The following ARHGEF12 variants were observed in gnomAD, a reference collection of about 807,000 sequenced individuals.
The protein encoded by ARHGEF12 is KMT2A/ARHGEF12 fusion protein.
ARHGEF12 carries 66 observed loss-of-function variants against 211.2 expected under a neutral mutation model. The ratio of observed to expected loss-of-function variants is 0.31; its 90% CI spans 0.26 to 0.38. The LOEUF is 0.38. ARHGEF12 is among the 10% of genes least tolerant of loss of function. The pLI, the probability that ARHGEF12 is intolerant of heterozygous loss-of-function variation, is 1.00. For missense variants in ARHGEF12, 1,429 were observed against 1,869.5 expected (o/e 0.76, Z 4.34); for synonymous variants, 592 against 638.4 (o/e 0.93, Z 1.09).
At chr11:120,415,582 A>G (rs1025447663) in intron 4 of ARHGEF12, among the ~76,000 whole-genome samples, 7 of 152,334 alleles carry the variant, frequency 4.6e-5, no homozygotes, top group African/African-American at 1.7e-4. Flanking sequence ...TGGTAGGTTA[A>G]AACAGCTTCT....
chr11:120,449,531 C>G (rs1031723791), intron 21 of ARHGEF12: 1 of 205,580 alleles, frequency 4.9e-6, no homozygotes, highest in African/African-American at 2.3e-5. Flanking sequence ...AAGCCTGTCT[C>G]TACTAAAAAT....
intron 33 of ARHGEF12, 171 bp from the exon 34 acceptor site, chr11:120,476,490 C>T (rs1462262605): frequency 1.6e-5 from 7 of 447,774 alleles, no homozygotes; most frequent in Admixed American, 7.6e-5. Flanking sequence ...ACAATAAATA[C>T]GTTAATATGG....
At chr11:120,361,836 T>C (rs1943286298) in intron 1 of ARHGEF12, among the ~76,000 whole-genome samples, 1 of 152,212 alleles carries the variant, frequency 6.6e-6, no homozygotes, top group African/African-American at 2.4e-5. Context: ...ATATGCTTAT[T>C]TGCAGAGCCT....
chr11:120,345,234 A>G (rs746493284), intron 1 of ARHGEF12, among the ~76,000 whole-genome samples: 2 of 152,238 alleles, frequency 1.3e-5, no homozygotes, highest in Non-Finnish European at 2.9e-5. Flanking sequence ...CTAAGAACCC[A>G]TGACTGTATT....
At chr11:120,474,191 GACA>G (rs1946958426) in intron 31 of ARHGEF12, among the ~76,000 whole-genome samples, 1 of 152,112 alleles carries the variant, frequency 6.6e-6, no homozygotes, top group Admixed American at 6.5e-5. Context: ...CTTTCTTATA[GACA>G]AGCATATGTA....
At chr11:120,484,904 C>G (rs749555581) in intron 40 of ARHGEF12, among the ~76,000 whole-genome samples, 163 bp from the exon 41 acceptor site, 20 of 152,220 alleles carry the variant, frequency 1.3e-4, no homozygotes, top group Admixed American at 3.9e-4. Context: ...TCTCCCCTGA[C>G]TGCAGATGGA....
chr11:120,474,325 G>C (rs928228606), intron 31 of ARHGEF12, among the ~76,000 whole-genome samples: 3 of 152,210 alleles, frequency 2.0e-5, no homozygotes, highest in African/African-American at 7.2e-5. Context: ...TTTGAAGATA[G>C]TACTCCTGAA....
At chr11:120,426,580 C>T (rs1945351531) in intron 7 of ARHGEF12, among the ~76,000 whole-genome samples, 1 of 152,140 alleles carries the variant, frequency 6.6e-6, no homozygotes, top group Admixed American at 6.5e-5. Flanking sequence ...AAACCAAATA[C>T]ATAGGCAAGT....
chr11:120,354,414 G>C (rs1351375227), intron 1 of ARHGEF12, among the ~76,000 whole-genome samples: 1 of 152,148 alleles, frequency 6.6e-6, no homozygotes, highest in Non-Finnish European at 1.5e-5. Context: ...TAACTAGGAA[G>C]GAGAGAGACC....
intron 4 of ARHGEF12, among the ~76,000 whole-genome samples, chr11:120,415,778 A>G (rs922973649): frequency 1.3e-5 from 2 of 152,150 alleles, no homozygotes; most frequent in Non-Finnish European, 2.9e-5. Context: ...ACAGATAGAC[A>G]GGACAGAATA....
intron 1 of ARHGEF12, among the ~76,000 whole-genome samples, chr11:120,375,295 T>TTGACGTCA: frequency 6.6e-6 from 1 of 152,318 alleles, no homozygotes; most frequent in Non-Finnish European, 1.5e-5. Context: ...AGTCTTGAGA[T>TTGACGTCA]TGACGTCAGA....
chr11:120,372,534 A>T (rs1194502911), intron 1 of ARHGEF12, among the ~76,000 whole-genome samples: 1 of 152,122 alleles, frequency 6.6e-6, no homozygotes, highest in African/African-American at 2.4e-5. Context: ...TCTGCTCTCA[A>T]ATACATCTAG....
chr11:120,477,425 T>TG, intron 35 of ARHGEF12, 22 bp from the exon 36 acceptor site: 14 of 1,538,332 alleles, frequency 9.1e-6, no homozygotes, highest in East Asian at 2.3e-5. Flanking sequence ...AAAAGTTTTT[T>TG]TTTTTTTTTT....
chr11:120,483,991 G>A (rs1947331291), intron 39 of ARHGEF12, among the ~76,000 whole-genome samples: 1 of 151,738 alleles, frequency 6.6e-6, no homozygotes, highest in South Asian at 2.1e-4. Context: ...CTGACCTCAG[G>A]TGATCCACCT....
chr11:120,428,206 T>A lies in ARHGEF12; in HGVS notation c.544T>A (p.Ser182Thr). 1 of 1,611,078 alleles carries A rather than the reference T, an allele frequency of 6.2e-7. No individual in the cohort carries two copies. Reference sequence around the variant, plus strand: ...GACATCTCCTCATTCACCTGGAGCATCTGGGAATATGGAGAGAATCACTAG... The same window carrying A: ...GACATCTCCTCATTCACCTGGAGCAACTGGGAATATGGAGAGAATCACTAG... ...IMTSPHSPGASGNMERITSPV... is the reference protein window; with the variant it reads ...IMTSPHSPGATGNMERITSPV... The change falls in exon 8 of 41, where the codon TCT (serine) becomes ACT (threonine). Residue 182 changes from serine to threonine, a missense_variant. Around this residue, in one of 7 missense-constraint regions of ARHGEF12, gnomAD observed 254 missense variants for 286.4 expected, o/e 0.89. Coordinates refer to ENST00000397843, the MANE Select transcript of ARHGEF12 (RefSeq NM_015313.3).
At chr11:120,344,723 C>T (rs1469298517) in intron 1 of ARHGEF12, among the ~76,000 whole-genome samples, 1 of 152,222 alleles carries the variant, frequency 6.6e-6, no homozygotes, top group Non-Finnish European at 1.5e-5. Flanking sequence ...TATATCACTA[C>T]TTCTCAGGTG....
chr11:120,428,042 T>C (rs1945402767), intron 7 of ARHGEF12, 27 bp from the exon 8 acceptor site: 1 of 1,514,616 alleles, frequency 6.6e-7, no homozygotes. Context: ...TCCCTTCCCT[T>C]CCCTTTTTCC....
chr11:120,380,677 A>G (rs947463927), intron 1 of ARHGEF12, among the ~76,000 whole-genome samples: 28 of 152,210 alleles, frequency 1.8e-4, no homozygotes, highest in African/African-American at 6.0e-4. Flanking sequence ...AGTGTTTGCT[A>G]GGTTTCTTCA....
intron 1 of ARHGEF12, among the ~76,000 whole-genome samples, chr11:120,405,705 A>T (rs1428373418): frequency 1.3e-5 from 2 of 152,172 alleles, no homozygotes; most frequent in African/African-American, 4.8e-5. Context: ...TAATGGCAAA[A>T]TATTTCTTTT....
Sources: gnomAD v4.1 joint callset for allele counts (sites outside exome capture counted in the v4.1 genomes callset) on GRCh38, gnomAD v4.1.1 for gene constraint, gnomAD v4.1.1 regional missense constraint, MANE v1.5 for transcripts, NCBI Gene and HGNC (gene_info 2026-07-23, HGNC 2026-07-21) for gene names.